DIAPH1: variants seen among roughly 807,000 people sequenced by gnomAD.
DIAPH1 encodes protein diaphanous homolog 1.
DIAPH1 carries 46 observed loss-of-function variants against 140.7 expected under a neutral mutation model. The ratio of observed to expected loss-of-function variants is 0.33; its 90% confidence interval spans 0.26 to 0.42. The LOEUF is 0.42. Ranked by LOEUF, DIAPH1 falls within the 10% of genes least tolerant of loss-of-function variation. DIAPH1 has a pLI of 1.00. For missense variants in DIAPH1, 1,310 were observed against 1,558.7 expected (o/e 0.84, Z 2.69); for synonymous variants, 565 against 551.6 (o/e 1.02, Z -0.34).
intron 7 of DIAPH1, 90 bp from the exon 8 acceptor site, chr5:141,580,973 G>T: frequency 6.5e-7 from 1 of 1,528,348 alleles, no homozygotes; most frequent in Non-Finnish European, 9.0e-7. Context: ...GTTGAATGGT[G>T]TCCTCTTAAA....
intron 27 of DIAPH1, among the ~76,000 whole-genome samples, chr5:141,517,556 G>A (rs1342763390): frequency 1.3e-5 from 2 of 152,032 alleles, no homozygotes; most frequent in East Asian, 3.9e-4. Flanking sequence ...GCACTCCCAC[G>A]TGTTCCTCCA....
rs148201820 is a variant in DIAPH1 at position 141,547,217 on chromosome 5, G to A, written c.2483-12784C>T. On this transcript the variant is annotated intron_variant, in intron 18 of 27. Transcript: ENST00000389054. ...ACATTCAGCCAGGCGCGGTAATCCC[G>A]CACTTTGGGAGGCCAAGGCGGGCGG... Among the ~76,000 whole-genome samples, 515 of 152,338 alleles carry A rather than the reference G, an allele frequency of 3.4e-3. 6 individuals carry two copies. Among genetic ancestry groups the A allele is most frequent in the African/African-American group, 0.011 (474 of 41,590 alleles).
chr5:141,594,826 AGGTCAGGAGTTT>A (rs913895081), intron 1 of DIAPH1, among the ~76,000 whole-genome samples: 67 of 151,868 alleles, frequency 4.4e-4, no homozygotes, highest in African/African-American at 1.5e-3. Flanking sequence ...GGATTCCCTG[AGGTCAGGAGTTT>A]GAGACCAGCC....
chr5:141,535,011 C>T (rs1313006635), intron 18 of DIAPH1, among the ~76,000 whole-genome samples: 1 of 152,164 alleles, frequency 6.6e-6, no homozygotes. Context: ...TGCAGTGGCG[C>T]AATCATGGCT....
At chr5:141,606,208 A>G (rs539755572) in intron 1 of DIAPH1, among the ~76,000 whole-genome samples, 1 of 152,262 alleles carries the variant, frequency 6.6e-6, no homozygotes, top group African/African-American at 2.4e-5. Flanking sequence ...TTTTGTGGAT[A>G]TCCAGACATA....
At chr5:141,590,823 G>C (rs899276522) in intron 1 of DIAPH1, among the ~76,000 whole-genome samples, 2 of 151,122 alleles carry the variant, frequency 1.3e-5, no homozygotes, top group Non-Finnish European at 2.9e-5. Context: ...TTCCATCCAT[G>C]TCTACTAGCA....
intron 18 of DIAPH1, among the ~76,000 whole-genome samples, chr5:141,569,055 C>T (rs2099894780): frequency 6.6e-6 from 1 of 151,896 alleles, no homozygotes; most frequent in Non-Finnish European, 1.5e-5. Flanking sequence ...CTTTTTTCTA[C>T]TCAGTCACTG....
chr5:141,536,724 C>T (rs972939658), intron 18 of DIAPH1, among the ~76,000 whole-genome samples: 3 of 152,034 alleles, frequency 2.0e-5, no homozygotes, highest in Non-Finnish European at 2.9e-5. Flanking sequence ...CAAAAGCATT[C>T]CAGGCAGAGG....
chr5:141,527,411 G>A, intron 24 of DIAPH1, among the ~76,000 whole-genome samples, 162 bp downstream of exon 24: 1 of 152,024 alleles, frequency 6.6e-6, no homozygotes, highest in East Asian at 1.9e-4. Flanking sequence ...GAGAGAGCCT[G>A]TCTCAAAATA....
At chr5:141,529,811 C>T in intron 19 of DIAPH1, 114 bp from the exon 20 acceptor site, 1 of 905,682 alleles carries the variant, frequency 1.1e-6, no homozygotes, top group East Asian at 2.6e-5. Context: ...AGGCCAGGCA[C>T]AGTGGCTCAT....
intron 18 of DIAPH1, among the ~76,000 whole-genome samples, chr5:141,561,221 G>A (rs1199001291): frequency 6.6e-6 from 1 of 152,100 alleles, no homozygotes; most frequent in African/African-American, 2.4e-5. Context: ...AGAAATCACT[G>A]GCTCTAAGAA....
rs373532900 is a variant in DIAPH1, at chr5:141,579,216, C to G, written c.825-20G>C. ...TCATTCCTGCCCAAGAGAAAGGAAA[C>G]GGAGAGAACTTTCCAGGTACTGTGA... On this transcript the variant is annotated intron_variant, in intron 8 of 27. Transcript: ENST00000389054. 2.7e-5 allele frequency: 43 copies of G among 1,593,284 alleles called. No homozygotes were observed. The highest frequency in any genetic ancestry group is 2.7e-4 in the African/African-American group (20 of 74,624).
intron 1 of DIAPH1, among the ~76,000 whole-genome samples, chr5:141,616,634 A>C (rs1359203808): frequency 6.6e-6 from 1 of 152,222 alleles, no homozygotes; most frequent in Non-Finnish European, 1.5e-5. Flanking sequence ...GAGCAAGAGG[A>C]AGAAAGAATA....
At chr5:141,552,951 C>T (rs1242831070) in intron 18 of DIAPH1, among the ~76,000 whole-genome samples, 1 of 152,208 alleles carries the variant, frequency 6.6e-6, no homozygotes, top group Non-Finnish European at 1.5e-5. Flanking sequence ...CTGTGGCACT[C>T]TCTTACGGCA....
intron 11 of DIAPH1, 142 bp downstream of exon 11, chr5:141,578,083 C>A: frequency 2.6e-6 from 2 of 774,406 alleles, no homozygotes; most frequent in Non-Finnish European, 2.4e-6. Flanking sequence ...AATAAAAATA[C>A]ACCTGCCTTA....
chr5:141,610,096 G>C (rs1003598796), intron 1 of DIAPH1, among the ~76,000 whole-genome samples: 1 of 152,090 alleles, frequency 6.6e-6, no homozygotes, highest in African/African-American at 2.4e-5. Flanking sequence ...CTAGGAGTTC[G>C]AGACCAGCCT....
chr5:141,596,756 C>T (rs1390830523), intron 1 of DIAPH1, among the ~76,000 whole-genome samples: 1 of 152,196 alleles, frequency 6.6e-6, no homozygotes, highest in Admixed American at 6.5e-5. Flanking sequence ...CCTACCCACG[C>T]ACCTAGAGTT....
intron 18 of DIAPH1, among the ~76,000 whole-genome samples, chr5:141,555,629 T>C (rs1176712570): frequency 6.6e-6 from 1 of 152,146 alleles, no homozygotes; most frequent in East Asian, 1.9e-4. Context: ...CATCAAGGGC[T>C]GAGTAATTTC....
At position 141,516,283 on chromosome 5, in the gene DIAPH1, G is replaced by A. The variant is rs2099885673; in HGVS notation, c.*568C>T. The stretch of plus-strand genomic sequence containing the variant: ...GCCTTTCCCAGGAAGGTGGGGTAAA[G>A]GTGGGATTTGCTCCCTGCTTCCTTA... On this transcript the variant is annotated 3_prime_UTR_variant, in exon 28 of 28. Coordinates refer to ENST00000389054, the MANE Select transcript of DIAPH1 (RefSeq NM_005219.5). 6.0e-6 allele frequency: 1 copy of A among 168,002 alleles called. No homozygotes were observed. Among genetic ancestry groups the A allele is most frequent in the Non-Finnish European group, 1.3e-5 (1 of 76,222 alleles). The allele number at this position is 168,002 out of a possible 1,614,324, so 10.4% of individuals were successfully genotyped here.
Sources: gnomAD v4.1 joint callset for allele counts (sites outside exome capture counted in the v4.1 genomes callset) on GRCh38, gnomAD v4.1.1 for gene constraint, MANE v1.5 for transcripts, NCBI Gene and HGNC (gene_info 2026-07-23, HGNC 2026-07-21) for gene names.